Variants in COL9A1 observed in about 807,000 individuals in gnomAD.
The protein encoded by COL9A1 is collagen alpha-1(IX) chain.
In COL9A1, 104 loss-of-function variants were observed where a neutral mutation model predicts 142.6. That is an observed-to-expected ratio of 0.73 (90% CI 0.62 to 0.86). The LOEUF (loss-of-function observed/expected upper bound fraction) is 0.86. COL9A1 is among the 40% of genes least tolerant of loss of function. The pLI, the probability that COL9A1 is intolerant of heterozygous loss-of-function variation, is 0.00. For synonymous variants in COL9A1, 466 were observed against 396.0 expected, an observed-to-expected ratio of 1.18 and a Z score of -2.10; for missense variants, 1,210 against 1,176.6, an observed-to-expected ratio of 1.03 and a Z score of -0.42.
intron 28 of COL9A1, among the ~76,000 whole-genome samples, chr6:70,247,016 CATA>C (rs1160722320): frequency 2.0e-5 from 3 of 152,074 alleles, no homozygotes; most frequent in Non-Finnish European, 4.4e-5. Context: ...TCATAGTAAG[CATA>C]GTAGAAGTGT....
Position 70,242,695 on chromosome 6 carries a change from T to TA in COL9A1, c.1892_1893insT (p.Pro632ThrfsTer10). 1 of 1,614,194 alleles carries TA rather than the reference T, an allele frequency of 6.2e-7. No individual in the cohort carries two copies. Among genetic ancestry groups the TA allele is most frequent in the Non-Finnish European group, 8.5e-7 (1 of 1,180,026 alleles). ...CTGGTAGGCCTGGGGATCCCACTGG[T>TA]CCTAATTCTCCTCTACTGCCCTGTA... On this transcript the variant is annotated frameshift_variant, in exon 29 of 38. Coordinates refer to ENST00000357250, the MANE Select transcript of COL9A1 (RefSeq NM_001851.6). LOFTEE classifies it high-confidence loss of function.
At position 70,223,512 on chromosome 6, in the gene COL9A1, A is replaced by T. The variant is rs962669226; in HGVS notation, c.2581+2420T>A. Reference sequence around the variant, plus strand: ...GAATTGTAGATGCCACTCTTCAAACAGCCCACTTCCAGGTACTAGCTTTAA... The same window carrying T: ...GAATTGTAGATGCCACTCTTCAAACTGCCCACTTCCAGGTACTAGCTTTAA... On this transcript the variant is annotated intron_variant, in intron 37 of 37. Coordinates refer to ENST00000357250, the MANE Select transcript of COL9A1 (RefSeq NM_001851.6). Among the ~76,000 whole-genome samples the T allele has an allele frequency of 2.0e-5, 3 of 152,228 alleles. No individual in the cohort carries two copies. In the South Asian group the frequency reaches 6.2e-4, roughly 32 times the overall value.
rs1347714331 is a variant in COL9A1, at chr6:70,280,802, G to T, written c.975+10C>A. 3.1e-6 allele frequency: 5 copies of T among 1,610,794 alleles called. No individual in the cohort carries two copies. The South Asian group carries it at 3.3e-5, about 11-fold the overall frequency. The stretch of plus-strand genomic sequence containing the variant: ...CAGGCTGGGCGCCCTCCCAGCACTC[G>T]CCTACTCACATCAGCGCCAGGTGTG... On this transcript the variant is annotated intron_variant, in intron 10 of 37. Coordinates refer to ENST00000357250, the MANE Select transcript of COL9A1 (RefSeq NM_001851.6).
At chr6:70,268,197 C>T (rs1772154486) in intron 17 of COL9A1, among the ~76,000 whole-genome samples, 1 of 151,786 alleles carries the variant, frequency 6.6e-6, no homozygotes, top group South Asian at 2.1e-4. Flanking sequence ...CCCCACCACT[C>T]ACTATCTTCC....
intron 5 of COL9A1, among the ~76,000 whole-genome samples, chr6:70,287,536 A>G (rs995404132): frequency 6.6e-5 from 10 of 151,892 alleles, no homozygotes; most frequent in African/African-American, 2.2e-4. Flanking sequence ...AAAAAGAAAA[A>G]TCCTCCCCAC....
At chr6:70,226,554 A>G (rs1349132062) in intron 36 of COL9A1, among the ~76,000 whole-genome samples, 1 of 152,090 alleles carries the variant, frequency 6.6e-6, no homozygotes, top group Non-Finnish European at 1.5e-5. Flanking sequence ...AAATTAATAT[A>G]TGGAAATTAA....
intron 28 of COL9A1, among the ~76,000 whole-genome samples, chr6:70,250,457 CA>C (rs937230635): frequency 2.9e-4 from 44 of 152,112 alleles, no homozygotes; most frequent in African/African-American, 1.0e-3. Context: ...AAGCTTCAAG[CA>C]AAAGAAAAGA....
intron 6 of COL9A1, among the ~76,000 whole-genome samples, chr6:70,283,417 C>G (rs1048333809): frequency 1.3e-5 from 2 of 152,334 alleles, no homozygotes; most frequent in Admixed American, 6.5e-5. Context: ...GTGGCCTGTG[C>G]CAGTGCTGGC....
intron 13 of COL9A1, 91 bp from the exon 14 acceptor site, chr6:70,271,799 C>A: frequency 7.7e-7 from 1 of 1,301,676 alleles, no homozygotes. Context: ...ATTAGATTTA[C>A]ATTTCTGTAT....
intron 8 of COL9A1, among the ~76,000 whole-genome samples, 172 bp downstream of exon 8, chr6:70,281,218 T>C (rs1029714876): frequency 1.3e-5 from 2 of 151,378 alleles, no homozygotes; most frequent in Non-Finnish European, 2.9e-5. Flanking sequence ...CCCGGGTTCC[T>C]AGGATCCTAC....
intron 7 of COL9A1, 23 bp from the exon 8 acceptor site, chr6:70,281,487 G>A (rs745461459): frequency 6.2e-7 from 1 of 1,600,342 alleles, no homozygotes; most frequent in Non-Finnish European, 8.5e-7. Flanking sequence ...GCAGACATAG[G>A]TTAGTGGAGC....
intron 7 of COL9A1, 146 bp from the exon 8 acceptor site, chr6:70,281,610 C>G: frequency 1.6e-6 from 1 of 613,002 alleles, no homozygotes; most frequent in South Asian, 2.0e-5. Context: ...AAAAATGTCT[C>G]AGACCTCCAA....
chr6:70,291,555 T>C (rs572867268), intron 5 of COL9A1, among the ~76,000 whole-genome samples: 4 of 152,268 alleles, frequency 2.6e-5, no homozygotes, highest in African/African-American at 9.6e-5. Context: ...GAAGAAAAAG[T>C]CTGTGATTTA....
At chr6:70,289,290 A>G (rs2127602552) in intron 5 of COL9A1, among the ~76,000 whole-genome samples, 1 of 152,312 alleles carries the variant, frequency 6.6e-6, no homozygotes, top group South Asian at 2.1e-4. Flanking sequence ...ATCTAATAGC[A>G]CACTGATTTT....
chr6:70,301,089 A>T (rs1486359068), intron 2 of COL9A1, among the ~76,000 whole-genome samples: 1 of 152,218 alleles, frequency 6.6e-6, no homozygotes, highest in Non-Finnish European at 1.5e-5. Flanking sequence ...AATAATCATG[A>T]GAAGGATTAA....
chr6:70,242,021 G>T lies in COL9A1; in HGVS notation c.1941C>A (p.Ser647Arg). ...GLPGKLGSLG[S>R]PGLPGLPGPP... is the part of the protein sequence containing the mutation. Reference sequence around the variant, plus strand: ...GCCCAGGCAAGCCAGGGAGGCCAGGGCTACCCAGAGAACCCTGGAAAGCAA... The same window carrying T: ...GCCCAGGCAAGCCAGGGAGGCCAGGTCTACCCAGAGAACCCTGGAAAGCAA... The change falls in exon 30 of 38, where the codon AGC (serine) becomes AGA (arginine). Residue 647 changes from serine to arginine, a missense_variant. Transcript: ENST00000357250. 1 of 1,596,176 alleles carries T rather than the reference G, an allele frequency of 6.3e-7. No homozygotes were observed. Among genetic ancestry groups the T allele is most frequent in the Non-Finnish European group, 8.5e-7 (1 of 1,169,970 alleles).
At chr6:70,281,543 C>G in intron 7 of COL9A1, 79 bp from the exon 8 acceptor site, 1 of 1,129,234 alleles carries the variant, frequency 8.9e-7, no homozygotes. Context: ...CTGAAGCCCC[C>G]GCCTCCGTGG....
intron 6 of COL9A1, chr6:70,283,244 C>G: frequency 1.4e-6 from 2 of 1,448,376 alleles, no homozygotes; most frequent in Non-Finnish European, 1.8e-6. Flanking sequence ...GGAGAGGGTC[C>G]TGGGATTGGA....
intron 20 of COL9A1, among the ~76,000 whole-genome samples, chr6:70,257,099 T>C (rs1471309025): frequency 6.9e-6 from 1 of 144,414 alleles, no homozygotes. Flanking sequence ...TCGCTCTTGT[T>C]GCCCAGGCTG....
Sources: allele counts gnomAD v4.1 joint callset (sites outside exome capture counted in the v4.1 genomes callset), GRCh38; gene constraint gnomAD v4.1.1; transcripts MANE v1.5; gene names NCBI Gene and HGNC (gene_info 2026-07-23, HGNC 2026-07-21).